NRXN3: variants seen among roughly 807,000 people sequenced by gnomAD.
NRXN3 encodes the protein neurexin III.
A neutral mutation model predicts 137.6 loss-of-function variants in NRXN3; 32 were observed. The ratio of observed to expected loss-of-function variants is 0.23; its 90% CI spans 0.18 to 0.31. NRXN3 has a LOEUF of 0.31. Among genes scored for constraint, NRXN3 ranks in the 10% least tolerant of loss-of-function variants. The pLI, the probability that NRXN3 is intolerant of heterozygous loss-of-function variation, is 1.00. For synonymous variants in NRXN3, 798 were observed against 784.5 expected, an observed-to-expected ratio of 1.02 and a Z score of -0.29; for missense variants, 1,574 against 2,062.5, an observed-to-expected ratio of 0.76 and a Z score of 4.59.
intron 6 of NRXN3, among the ~76,000 whole-genome samples, chr14:78,665,568 A>G (rs1036484421): frequency 6.6e-6 from 1 of 152,168 alleles, no homozygotes; most frequent in Non-Finnish European, 1.5e-5. Flanking sequence ...GCCAAACTGA[A>G]TCAATGAGAT....
Position 79,126,294 on chromosome 14 carries a change from T to G in NRXN3, c.3262+138153T>G, listed in dbSNP as rs529402611. On this transcript the variant is annotated intron_variant, in intron 15 of 20. Coordinates refer to ENST00000335750, the MANE Select transcript of NRXN3 (RefSeq NM_001330195.2). The stretch of plus-strand genomic sequence containing the variant: ...CACCCACTAACTCGTCATCTAGCAT[T>G]AGGTATATCTCCCAATGCTATCCCT... Among the ~76,000 whole-genome samples, 41 of 152,044 alleles carry G rather than the reference T, an allele frequency of 2.7e-4. No individual in the cohort carries two copies. The East Asian group carries it at 3.7e-3, about 14-fold the overall frequency.
intron 16 of NRXN3, among the ~76,000 whole-genome samples, chr14:79,656,678 A>C (rs2098507831): frequency 7.6e-6 from 1 of 131,156 alleles, no homozygotes; most frequent in African/African-American, 2.9e-5. Flanking sequence ...TATCAGTCTT[A>C]TCTCTCTGCG....
At chr14:78,513,573 G>A (rs1278140738) in intron 4 of NRXN3, among the ~76,000 whole-genome samples, 1 of 152,020 alleles carries the variant, frequency 6.6e-6, no homozygotes, top group Non-Finnish European at 1.5e-5. Flanking sequence ...AGTCTATTTT[G>A]GCAGATAAAA....
At chr14:79,773,220 C>T (rs1334979857) in intron 19 of NRXN3, among the ~76,000 whole-genome samples, 9 of 152,218 alleles carry the variant, frequency 5.9e-5, no homozygotes, top group African/African-American at 1.2e-4. Context: ...GTCAGTGTGG[C>T]GATTCCTCAG....
chr14:79,711,067 A>T (rs1383909226), intron 19 of NRXN3, among the ~76,000 whole-genome samples: 1 of 152,218 alleles, frequency 6.6e-6, no homozygotes, highest in Non-Finnish European at 1.5e-5. Context: ...TTCAAAAAAG[A>T]CCAAATTTCA....
At chr14:79,631,123 GA>G (rs1266343229) in intron 16 of NRXN3, among the ~76,000 whole-genome samples, 2 of 152,322 alleles carry the variant, frequency 1.3e-5, no homozygotes, top group South Asian at 2.1e-4. Context: ...CTATGTTTCA[GA>G]AAGGGTTGTA....
At chr14:78,873,694 G>A (rs955156638) in intron 10 of NRXN3, among the ~76,000 whole-genome samples, 47 of 152,182 alleles carry the variant, frequency 3.1e-4, no homozygotes, top group African/African-American at 9.7e-4. Flanking sequence ...TGGTTCGTAT[G>A]ATGTACAGAA....
At chr14:78,481,586 T>C (rs1445615161) in intron 4 of NRXN3, among the ~76,000 whole-genome samples, 1 of 152,118 alleles carries the variant, frequency 6.6e-6, no homozygotes. Flanking sequence ...GTTTTGACCA[T>C]CAAAATGAAT....
intron 19 of NRXN3, among the ~76,000 whole-genome samples, chr14:79,778,668 A>G (rs894521582): frequency 6.6e-6 from 1 of 152,188 alleles, no homozygotes; most frequent in African/African-American, 2.4e-5. Context: ...GAGGCTTAAA[A>G]TATGGTAGTA....
intron 15 of NRXN3, among the ~76,000 whole-genome samples, chr14:79,323,732 G>A (rs756899640): frequency 1.4e-4 from 21 of 152,132 alleles, no homozygotes; most frequent in East Asian, 3.9e-4. Flanking sequence ...GGCGGTGTGC[G>A]CCTGTAATCC....
At chr14:79,556,642 C>T (rs2097432634) in intron 16 of NRXN3, among the ~76,000 whole-genome samples, 1 of 152,070 alleles carries the variant, frequency 6.6e-6, no homozygotes, top group Non-Finnish European at 1.5e-5. Flanking sequence ...TGCAGCCTCA[C>T]CCTCCTGGGT....
chr14:79,008,368 A>C (rs958011846), intron 15 of NRXN3, among the ~76,000 whole-genome samples: 4 of 152,212 alleles, frequency 2.6e-5, no homozygotes, highest in African/African-American at 9.6e-5. Context: ...GCTGAATACT[A>C]TAACTTACTT....
In NRXN3 at chr14:78,243,054, T is replaced by G; in HGVS notation, c.-40T>G. ...GAGAGATCCTCTCCGGGCTGTTCCC[T>G]GGCCTGTCTGCTCCTCCGGGCTCTG... On this transcript the variant is annotated 5_prime_UTR_variant, in exon 2 of 21. Coordinates refer to ENST00000335750, the MANE Select transcript of NRXN3 (RefSeq NM_001330195.2). The surrounding 1 kb of genome is among the most constrained non-coding windows in gnomAD (Gnocchi z 4.2). 11 of 1,425,266 alleles carry G rather than the reference T, an allele frequency of 7.7e-6. No homozygotes were observed. Among genetic ancestry groups the G allele is most frequent in the Non-Finnish European group, 1.0e-5 (11 of 1,073,738 alleles). The allele number at this position is 1,425,266 out of a possible 1,614,324, so 88.3% of individuals were successfully genotyped here.
intron 8 of NRXN3, among the ~76,000 whole-genome samples, chr14:78,778,493 A>G (rs2098751935): frequency 6.6e-6 from 1 of 152,210 alleles, no homozygotes; most frequent in Non-Finnish European, 1.5e-5. Flanking sequence ...AAAAATTTTG[A>G]GGAATCCTAC....
intron 15 of NRXN3, among the ~76,000 whole-genome samples, chr14:79,008,539 G>A (rs569246140): frequency 5.8e-4 from 87 of 151,004 alleles, no homozygotes; most frequent in African/African-American, 1.9e-3. Context: ...GCTTGCCAGC[G>A]TAAGTTTCCT....
rs552036453 is a variant in NRXN3, at chr14:79,294,907, A to G, written c.3263-172314A>G. On this transcript the variant is annotated intron_variant, in intron 15 of 20. Coordinates refer to ENST00000335750, the MANE Select transcript of NRXN3 (RefSeq NM_001330195.2). ...CCTTTCCATCTCTATTGCATTTTCA[A>G]CCATATCACCTAAACAGTTGTGACA... 3.3e-5 allele frequency among the ~76,000 whole-genome samples: 5 copies of G among 152,196 alleles called. No individual in the cohort carries two copies. In the South Asian group the frequency reaches 1.0e-3, roughly 32 times the overall value.
intron 20 of NRXN3, among the ~76,000 whole-genome samples, chr14:79,833,493 T>C (rs1410398100): frequency 6.6e-6 from 1 of 152,154 alleles, no homozygotes; most frequent in Admixed American, 6.5e-5. Flanking sequence ...TTTGTAATGC[T>C]GTCCTCTTAA....
chr14:79,052,532 C>T (rs541350290), intron 15 of NRXN3, among the ~76,000 whole-genome samples: 196 of 152,308 alleles, frequency 1.3e-3, no homozygotes, highest in Admixed American at 2.0e-3. Flanking sequence ...TGGATTGAGA[C>T]ACAAAGCTTG....
At chr14:78,378,176 G>A (rs2153627675) in intron 4 of NRXN3, among the ~76,000 whole-genome samples, 1 of 152,270 alleles carries the variant, frequency 6.6e-6, no homozygotes. Context: ...CCATAAGTTA[G>A]AGGAAGTTTC....
Sources: gnomAD v4.1 joint callset for allele counts (sites outside exome capture counted in the v4.1 genomes callset) on GRCh38, gnomAD v4.1.1 for gene constraint, Gnocchi (gnomAD v3.1) non-coding constraint, MANE v1.5 for transcripts, NCBI Gene and HGNC (gene_info 2026-07-23, HGNC 2026-07-21) for gene names.